Variants in HPS5 observed in about 807,000 individuals in gnomAD.
HPS5 encodes HPS5 biogenesis of lysosomal organelles complex 2 subunit 2.
HPS5 carries 83 observed loss-of-function variants against 128.0 expected under a neutral mutation model. That is an observed-to-expected ratio of 0.65 (90% CI 0.54 to 0.78). The LOEUF (loss-of-function observed/expected upper bound fraction) is 0.78. Among genes scored for constraint, HPS5 ranks in the 30% least tolerant of loss-of-function variants. The pLI is 0.00. For missense variants in HPS5, 1,281 were observed against 1,326.2 expected (o/e 0.97, Z 0.53); for synonymous variants, 475 against 470.2 (o/e 1.01, Z -0.13).
At chr11:18,297,817 C>T (rs780215996) in intron 10 of HPS5, 100 bp from the exon 11 acceptor site, 12 of 1,152,002 alleles carry the variant, frequency 1.0e-5, no homozygotes, top group African/African-American at 4.6e-5. Context: ...CGGTGGCTCA[C>T]GCCTGTAATC....
chr11:18,286,974 G>GAGT, intron 18 of HPS5: 1 of 607,272 alleles, frequency 1.6e-6, no homozygotes, highest in Non-Finnish European at 2.9e-6. Flanking sequence ...AGTGTGGCCA[G>GAGT]AGTAGGAAGA....
chr11:18,317,880 G>A lies in HPS5; in HGVS notation c.-22C>T. The A allele has an allele frequency of 6.2e-7, 1 of 1,608,578 alleles. No individual in the cohort carries two copies. The highest frequency in any genetic ancestry group is 8.5e-7 in the Non-Finnish European group (1 of 1,176,604). ...CCATTTAGCCAGAAAGCTGAAACTTGTTGAATGATAGATACAGTATTCCTC... is the reference window on the plus strand; with the variant it reads ...CCATTTAGCCAGAAAGCTGAAACTTATTGAATGATAGATACAGTATTCCTC... On this transcript the variant is annotated 5_prime_UTR_variant, in exon 2 of 23. Transcript: ENST00000349215.
At position 18,287,245 on chromosome 11, in the gene HPS5, C is replaced by A. The variant is rs140445545; in HGVS notation, c.2717+290G>T. On this transcript the variant is annotated intron_variant, in intron 18 of 22. Coordinates refer to ENST00000349215, the MANE Select transcript of HPS5 (RefSeq NM_181507.2). ...AAGGTGGCAGTGAATCTACTCACTG[C>A]AAAGACAATAAGAAGCTTATCTTCT... is the stretch of plus-strand genomic sequence containing the variant. 2.3e-3 allele frequency among the ~76,000 whole-genome samples: 352 copies of A among 152,280 alleles called. 2 individuals carry two copies. The highest frequency in any genetic ancestry group is 6.8e-3 in the Middle Eastern group (2 of 294).
chr11:18,311,482 A>C, intron 3 of HPS5, 31 bp from the exon 4 acceptor site: 1 of 1,373,142 alleles, frequency 7.3e-7, no homozygotes, highest in Non-Finnish European at 1.0e-6. Context: ...CATTTTTTAA[A>C]TCTCAAGTTT....
intron 1 of HPS5, among the ~76,000 whole-genome samples, chr11:18,320,442 C>A (rs920148456): frequency 3.3e-5 from 5 of 152,178 alleles, no homozygotes; most frequent in African/African-American, 1.2e-4. Flanking sequence ...ATGAAGCTGC[C>A]AATTCCAGTC....
At chr11:18,294,978 G>T (rs566895994) in intron 14 of HPS5, 42 bp downstream of exon 14, 109 of 1,610,322 alleles carry the variant, frequency 6.8e-5, no homozygotes, top group Admixed American at 1.8e-4. Flanking sequence ...ACTGACAGCT[G>T]GATTCCCTAG....
At chr11:18,284,592 A>C (rs981980331) in intron 20 of HPS5, among the ~76,000 whole-genome samples, 7 of 152,222 alleles carry the variant, frequency 4.6e-5, no homozygotes, top group Admixed American at 4.6e-4. Context: ...CTGATAACTA[A>C]ATTATTCTAC....
chr11:18,280,698 ATT>A, intron 22 of HPS5: 2 of 610,288 alleles, frequency 3.3e-6, no homozygotes, highest in Non-Finnish European at 5.9e-6. Flanking sequence ...ACGGAATATT[ATT>A]CAGCCTTAAG....
intron 10 of HPS5, 61 bp from the exon 11 acceptor site, chr11:18,297,778 A>T: frequency 6.6e-7 from 1 of 1,509,000 alleles, no homozygotes; most frequent in South Asian, 1.1e-5. Flanking sequence ...TCAAATGGCC[A>T]ATATATTGAA....
chr11:18,284,201 C>T (rs1859394468), intron 20 of HPS5, among the ~76,000 whole-genome samples: 1 of 151,332 alleles, frequency 6.6e-6, no homozygotes. Context: ...GCAACAAATG[C>T]TGACATTTGA....
At chr11:18,319,280 C>T (rs1452230123) in intron 1 of HPS5, among the ~76,000 whole-genome samples, 1 of 143,842 alleles carries the variant, frequency 7.0e-6, no homozygotes, top group African/African-American at 2.5e-5. Flanking sequence ...CACACACACA[C>T]ACACACACAC....
chr11:18,319,184 G>A (rs913067727), intron 1 of HPS5, among the ~76,000 whole-genome samples: 3 of 151,620 alleles, frequency 2.0e-5, no homozygotes, highest in African/African-American at 7.3e-5. Flanking sequence ...ACCAGGCACA[G>A]TGGTAAAAAT....
intron 6 of HPS5, among the ~76,000 whole-genome samples, chr11:18,307,296 C>T (rs1470957283): frequency 6.6e-6 from 1 of 152,066 alleles, no homozygotes; most frequent in Admixed American, 6.6e-5. Flanking sequence ...ACTAGTTAAC[C>T]TCAGATAATT....
At chr11:18,288,228 G>T (rs1193766887) in intron 16 of HPS5, among the ~76,000 whole-genome samples, 1 of 152,152 alleles carries the variant, frequency 6.6e-6, no homozygotes, top group African/African-American at 2.4e-5. Context: ...GGGAGGCAAA[G>T]CATATTAAAA....
chr11:18,286,576 G>A lies in HPS5; in HGVS notation c.2837+15C>T. ...AAGTAAAGAAAAAAACAAAGAAAGA[G>A]GACTTCTTCTGTACCTGGGATAACC... On this transcript the variant is annotated intron_variant, in intron 19 of 22. Transcript: ENST00000349215. 1.2e-6 allele frequency: 2 copies of A among 1,612,928 alleles called. No homozygotes were observed.
intron 15 of HPS5, 30 bp downstream of exon 15, chr11:18,292,869 G>A (rs368694140): frequency 3.5e-5 from 53 of 1,525,986 alleles, no homozygotes; most frequent in African/African-American, 2.1e-4. Context: ...GCCTTGAGAC[G>A]TCACTATAAA....
chr11:18,288,260 C>T (rs2134255527), intron 16 of HPS5, among the ~76,000 whole-genome samples: 1 of 152,244 alleles, frequency 6.6e-6, no homozygotes, highest in Non-Finnish European at 1.5e-5. Context: ...GACGAAGGAA[C>T]ATATAATTAA....
chr11:18,296,968 A>C lies in HPS5; in HGVS notation c.1340T>G (p.Leu447Trp). ...SISSHESFSI[L>W]DSGIYRIISS... Reference sequence around the variant, plus strand: ...AATGATACGATAAATACCAGAGTCCAAGATGCTGAAACTTTCCTAAAAATT... The same window carrying C: ...AATGATACGATAAATACCAGAGTCCCAGATGCTGAAACTTTCCTAAAAATT... Residue 447 changes from leucine (L) to tryptophan (W), a missense_variant, in exon 12 of 23, where the codon TTG becomes TGG. Coordinates refer to ENST00000349215, the MANE Select transcript of HPS5 (RefSeq NM_181507.2). 2 of 1,602,776 alleles carry C rather than the reference A, an allele frequency of 1.2e-6. No homozygotes were observed. The highest frequency in any genetic ancestry group is 1.7e-6 in the Non-Finnish European group (2 of 1,170,550).
chr11:18,309,499 G>A (rs1458659309), intron 5 of HPS5, among the ~76,000 whole-genome samples: 1 of 151,618 alleles, frequency 6.6e-6, no homozygotes, highest in Non-Finnish European at 1.5e-5. Flanking sequence ...AACAGAAGAA[G>A]AACCTGTCTC....
Sources: allele counts gnomAD v4.1 joint callset (sites outside exome capture counted in the v4.1 genomes callset), GRCh38; gene constraint gnomAD v4.1.1; transcripts MANE v1.5; gene names NCBI Gene and HGNC (gene_info 2026-07-23, HGNC 2026-07-21).